The following PRKAB1 variants were observed in gnomAD, a reference collection of about 807,000 sequenced individuals.
PRKAB1 encodes the protein 5'-AMP-activated protein kinase subunit beta-1.
PRKAB1 carries 18 observed loss-of-function variants against 32.0 expected under a neutral mutation model. The ratio of observed to expected loss-of-function variants is 0.56; its 90% confidence interval spans 0.39 to 0.83. The LOEUF is 0.83. Ranked by LOEUF, PRKAB1 falls within the 40% of genes least tolerant of loss-of-function variation. The pLI is 0.00. For missense variants in PRKAB1, 263 were observed against 352.6 expected, an observed-to-expected ratio of 0.75 and a Z score of 2.03; for synonymous variants, 141 against 141.4, an observed-to-expected ratio of 1.00 and a Z score of 0.02.
Position 119,679,613 on chromosome 12 carries a change from G to A in PRKAB1, c.667-320G>A, listed in dbSNP as rs1358384229. Reference sequence around the variant, plus strand: ...TCTTCCTGTGTTCTCTGAAAGTGCTGTTAATAGCTGCTTTCTTCCTGCCCC... The same window carrying A: ...TCTTCCTGTGTTCTCTGAAAGTGCTATTAATAGCTGCTTTCTTCCTGCCCC... On this transcript the variant is annotated intron_variant, in intron 5 of 6. Coordinates refer to ENST00000229328, the MANE Select transcript of PRKAB1 (RefSeq NM_006253.5). The surrounding 1 kb of genome is among the most constrained non-coding windows in gnomAD (Gnocchi z 4.1). The A allele has an allele frequency of 8.0e-6, 3 of 375,562 alleles. No individual in the cohort carries two copies. The highest frequency in any genetic ancestry group is 4.6e-5 in the South Asian group (2 of 43,356). 23.3% of individuals were successfully genotyped at this position (375,562 alleles called of 1,614,324 possible).
At chr12:119,676,496 C>G in intron 4 of PRKAB1, 41 bp from the exon 5 acceptor site, 1 of 1,548,490 alleles carries the variant, frequency 6.5e-7, no homozygotes. Flanking sequence ...TCCTAGAATG[C>G]CTGATTTTCA....
chr12:119,668,115 G>C, upstream of PRKAB1: 1 of 1,154,188 alleles, frequency 8.7e-7, no homozygotes, highest in African/African-American at 1.6e-5. Context: ...CCCGAGGGGC[G>C]TGGTGTCCTG....
intron 1 of PRKAB1, chr12:119,669,460 G>C (rs969394978): frequency 2.7e-5 from 4 of 150,246 alleles, no homozygotes; most frequent in Admixed American, 2.7e-4. Flanking sequence ...GTAGAGACGG[G>C]GTTTCACCGT....
chr12:119,668,083 C>G, upstream of PRKAB1: 1 of 908,628 alleles, frequency 1.1e-6, no homozygotes, highest in Non-Finnish European at 1.5e-6. Context: ...ACCCTGCCGA[C>G]TCAGCCGGAA....
intron 4 of PRKAB1, among the ~76,000 whole-genome samples, chr12:119,675,229 A>G (rs1955415166): frequency 1.3e-5 from 2 of 152,218 alleles, no homozygotes; most frequent in South Asian, 4.1e-4. Flanking sequence ...CTGGCGCCCT[A>G]AGAAAACAGA....
intron 1 of PRKAB1, chr12:119,671,384 A>T (rs1411650920): frequency 7.0e-6 from 2 of 285,448 alleles, no homozygotes; most frequent in Non-Finnish European, 7.2e-6. Context: ...CTATGTAGAA[A>T]TACCCGAGAC....
At chr12:119,668,521 T>TG in intron 1 of PRKAB1, 118 bp downstream of exon 1, 1 of 1,368,872 alleles carries the variant, frequency 7.3e-7, no homozygotes, top group African/African-American at 1.5e-5. Context: ...AGGTGGTACA[T>TG]TACCCGGTGC....
intron 4 of PRKAB1, 132 bp from the exon 5 acceptor site, chr12:119,676,405 C>A: frequency 8.6e-7 from 1 of 1,159,950 alleles, no homozygotes. Flanking sequence ...GGAACCAGTG[C>A]ATCCTTCAAG....
rs1367564493 is a variant in PRKAB1, at chr12:119,674,991, G to A, written c.532+537G>A. On this transcript the variant is annotated intron_variant, in intron 4 of 6. Coordinates refer to ENST00000229328, the MANE Select transcript of PRKAB1 (RefSeq NM_006253.5). The surrounding 1 kb of genome is among the most constrained non-coding windows in gnomAD (Gnocchi z 4.3). ...CCTTGATGGGAAGCTATTTGGTACA[G>A]AAATACAGACCCAGTAAAACTTCTC... Among the ~76,000 whole-genome samples, 1 of 152,232 alleles carries A rather than the reference G, an allele frequency of 6.6e-6. No homozygotes were observed. The highest frequency in any genetic ancestry group is 1.5e-5 in the Non-Finnish European group (1 of 68,034).
At chr12:119,670,727 C>T (rs1565875137) in intron 1 of PRKAB1, among the ~76,000 whole-genome samples, 1 of 152,202 alleles carries the variant, frequency 6.6e-6, no homozygotes, top group Non-Finnish European at 1.5e-5. Context: ...TTAGAAGTTA[C>T]TGAAATCCCC....
chr12:119,674,811 C>A lies in PRKAB1; in HGVS notation c.532+357C>A, dbSNP rs114874819. On this transcript the variant is annotated intron_variant, in intron 4 of 6. Coordinates refer to ENST00000229328, the MANE Select transcript of PRKAB1 (RefSeq NM_006253.5). This position sits in a 1 kb window ranked among gnomAD's most constrained non-coding sequence, Gnocchi z 4.3. ...AGCACTGGGGAAGCCTGTGTCTCATCCCACTTGTGGTGCCTGAAGAATTTC... is the reference window on the plus strand; with the variant it reads ...AGCACTGGGGAAGCCTGTGTCTCATACCACTTGTGGTGCCTGAAGAATTTC... Among the ~76,000 whole-genome samples, 965 of 152,332 alleles carry A rather than the reference C, an allele frequency of 6.3e-3. 5 individuals carry two copies. The highest frequency in any genetic ancestry group is 0.022 in the African/African-American group (906 of 41,572).
upstream of PRKAB1, chr12:119,668,085 C>A: frequency 1.1e-6 from 1 of 923,456 alleles, no homozygotes; most frequent in Non-Finnish European, 1.5e-6. Flanking sequence ...CCTGCCGACT[C>A]AGCCGGAACC....
chr12:119,672,294 C>T lies in PRKAB1; in HGVS notation c.160-7C>T. 1 of 1,601,798 alleles carries T rather than the reference C, an allele frequency of 6.2e-7. No homozygotes were observed. Among genetic ancestry groups the T allele is most frequent in the East Asian group, 2.3e-5 (1 of 44,088 alleles). ...ATGGCTTTCTGAGTAAACTGCTCTG[C>T]TTCTAGGCACCAGAGAAGGAGGAAT... On this transcript the variant is annotated splice_polypyrimidine_tract_variant and splice_region_variant and intron_variant, in intron 1 of 6. Transcript: ENST00000229328.
Position 119,680,331 on chromosome 12 carries a change from T to TG in PRKAB1, c.*11dup, listed in dbSNP as rs1955455326. The TG allele has an allele frequency of 1.9e-6, 3 of 1,612,516 alleles. No individual in the cohort carries two copies. The highest frequency in any genetic ancestry group is 2.5e-6 in the Non-Finnish European group (3 of 1,178,676). On this transcript the variant is annotated 3_prime_UTR_variant, in exon 7 of 7. Coordinates refer to ENST00000229328, the MANE Select transcript of PRKAB1 (RefSeq NM_006253.5). ...TGTTATACAAGCCCATATGAAGAGC[T>TG]GGGGGCGGATGGTGGCCCAGGAGAC...
intron 1 of PRKAB1, chr12:119,671,453 C>A: frequency 4.9e-6 from 2 of 408,664 alleles, no homozygotes; most frequent in Non-Finnish European, 9.8e-6. Context: ...CTGGGGAGGC[C>A]TTAGGAAACT....
chr12:119,668,110 G>C, upstream of PRKAB1: 1 of 1,126,434 alleles, frequency 8.9e-7, no homozygotes, highest in Non-Finnish European at 1.2e-6. Flanking sequence ...CCCGGCCCGA[G>C]GGGCGTGGTG....
Position 119,674,505 on chromosome 12 carries a change from G to A in PRKAB1, c.532+51G>A. 1 of 1,341,568 alleles carries A rather than the reference G, an allele frequency of 7.5e-7. No homozygotes were observed. Among genetic ancestry groups the A allele is most frequent in the South Asian group, 1.2e-5 (1 of 81,312 alleles). 83.1% of individuals were successfully genotyped at this position (1,341,568 alleles called of 1,614,324 possible). A position where few individuals can be genotyped will look rare whatever the true frequency, so the allele number is the denominator to read the frequency against. Reference sequence around the variant, plus strand: ...CATGCGTGCAGGTGGGGGCTGTACAGTCTAGACATACTCTTGTTTCTCTTG... The same window carrying A: ...CATGCGTGCAGGTGGGGGCTGTACAATCTAGACATACTCTTGTTTCTCTTG... On this transcript the variant is annotated intron_variant, in intron 4 of 6. Coordinates refer to ENST00000229328, the MANE Select transcript of PRKAB1 (RefSeq NM_006253.5). The surrounding 1 kb of genome is among the most constrained non-coding windows in gnomAD (Gnocchi z 4.3).
chr12:119,672,600 T>G, intron 2 of PRKAB1, 136 bp downstream of exon 2: 1 of 953,962 alleles, frequency 1.0e-6, no homozygotes, highest in Non-Finnish European at 1.5e-6. Flanking sequence ...GCTTAATAAG[T>G]CTTAAGGTTC....
chr12:119,680,527 A>AC lies in PRKAB1; in HGVS notation c.*207dup, dbSNP rs1350250699. On this transcript the variant is annotated 3_prime_UTR_variant, in exon 7 of 7. Transcript: ENST00000229328. ...CTCGGTCTGTGACAGTCCTCCTAGC[A>AC]CCCCCATGGCTTTGAGCCTCGGGGA... The AC allele has an allele frequency of 1.9e-5, 11 of 592,642 alleles. 1 individual carries two copies. The highest frequency in any genetic ancestry group is 3.3e-5 in the Non-Finnish European group (11 of 336,084). The allele number at this position is 592,642 out of a possible 1,614,324, so 36.7% of individuals were successfully genotyped here.
Sources: gnomAD v4.1 joint callset for allele counts (sites outside exome capture counted in the v4.1 genomes callset) on GRCh38, gnomAD v4.1.1 for gene constraint, Gnocchi (gnomAD v3.1) non-coding constraint, MANE v1.5 for transcripts, NCBI Gene and HGNC (gene_info 2026-07-23, HGNC 2026-07-21) for gene names.